Variants in WDR49 observed in about 807,000 individuals in gnomAD.
The protein encoded by WDR49 is cilia- and flagella-associated protein 337.
Under a neutral mutation model 119.5 loss-of-function variants are expected in WDR49, and 107 were observed. The observed-to-expected ratio is 0.90, with a 90% CI of 0.77 to 1.05. The LOEUF (loss-of-function observed/expected upper bound fraction) is 1.05, where lower values mean the gene tolerates loss of function less well. WDR49 is among the 50% of genes least tolerant of loss of function. The pLI, the probability that WDR49 is intolerant of heterozygous loss-of-function variation, is 0.00. For synonymous variants in WDR49, 425 were observed against 418.8 expected (o/e 1.01, Z -0.18); for missense variants, 1,240 against 1,220.5 (o/e 1.02, Z -0.24).
intron 7 of WDR49, among the ~76,000 whole-genome samples, chr3:167,592,540 T>C (rs1028378148): frequency 2.6e-5 from 4 of 151,804 alleles, no homozygotes; most frequent in Admixed American, 2.6e-4. Flanking sequence ...GTTCAAGAGA[T>C]TCTCCTGCCT....
At chr3:167,620,193 T>C (rs544979107) in intron 5 of WDR49, among the ~76,000 whole-genome samples, 21 of 152,162 alleles carry the variant, frequency 1.4e-4, no homozygotes, top group Non-Finnish European at 2.8e-4. Context: ...TTAAGATTTC[T>C]TGAGCACATT....
chr3:167,526,050 G>A (rs1488062604), intron 15 of WDR49, among the ~76,000 whole-genome samples: 2 of 151,822 alleles, frequency 1.3e-5, no homozygotes, highest in Non-Finnish European at 2.9e-5. Context: ...AGTAGTGCAA[G>A]CAGAAGGAAC....
intron 7 of WDR49, among the ~76,000 whole-genome samples, chr3:167,592,746 T>C (rs1715207872): frequency 1.3e-5 from 2 of 152,136 alleles, no homozygotes; most frequent in African/African-American, 4.8e-5. Context: ...TGATTTCTTA[T>C]TGCTAATTAA....
chr3:167,557,758 A>AG (rs1407150677), intron 9 of WDR49, among the ~76,000 whole-genome samples: 1 of 152,122 alleles, frequency 6.6e-6, no homozygotes, highest in African/African-American at 2.4e-5. Flanking sequence ...GTCTCAAAAA[A>AG]AAAAAAAAAA....
At chr3:167,529,515 G>A (rs1235778795) in intron 13 of WDR49, among the ~76,000 whole-genome samples, 1 of 152,014 alleles carries the variant, frequency 6.6e-6, no homozygotes, top group Non-Finnish European at 1.5e-5. Context: ...TGTTTTGGGG[G>A]TATTTAAAAG....
chr3:167,593,842 G>A (rs554939653), intron 7 of WDR49, among the ~76,000 whole-genome samples: 34 of 152,206 alleles, frequency 2.2e-4, no homozygotes, highest in African/African-American at 8.2e-4. Context: ...GGATCATGGG[G>A]GAGGTTCCCC....
intron 10 of WDR49, among the ~76,000 whole-genome samples, chr3:167,547,501 G>C (rs189674436): frequency 1.3e-3 from 202 of 151,722 alleles, no homozygotes; most frequent in African/African-American, 4.7e-3. Context: ...TTCTCATTAA[G>C]ATCATGACCA....
intron 2 of WDR49, among the ~76,000 whole-genome samples, chr3:167,642,105 A>G (rs965108488): frequency 4.6e-5 from 7 of 152,006 alleles, no homozygotes; most frequent in African/African-American, 1.7e-4. Context: ...TTTTGACTTG[A>G]GAACTATAAA....
chr3:167,629,724 G>A (rs1040547134), intron 2 of WDR49, among the ~76,000 whole-genome samples: 4 of 152,054 alleles, frequency 2.6e-5, no homozygotes, highest in Non-Finnish European at 4.4e-5. Flanking sequence ...AAATTAACAG[G>A]AGTTTGGGAA....
At chr3:167,499,560 T>A (rs1751480274) in intron 18 of WDR49, among the ~76,000 whole-genome samples, 1 of 152,214 alleles carries the variant, frequency 6.6e-6, no homozygotes, top group South Asian at 2.1e-4. Context: ...TTCTACAGAA[T>A]TATTCCTCAA....
At chr3:167,555,380 T>G (rs1397001659) in intron 9 of WDR49, among the ~76,000 whole-genome samples, 2 of 152,216 alleles carry the variant, frequency 1.3e-5, no homozygotes, top group Non-Finnish European at 1.5e-5. Flanking sequence ...TTCATCTGTA[T>G]CCTTTGTAAT....
chr3:167,484,295 G>T (rs1750839818), intron 18 of WDR49, among the ~76,000 whole-genome samples: 2 of 152,100 alleles, frequency 1.3e-5, no homozygotes, highest in South Asian at 4.1e-4. Flanking sequence ...GGGGCCTGTT[G>T]TGGGGTGAGG....
chr3:167,481,065 GC>G (rs1176765750), intron 18 of WDR49, among the ~76,000 whole-genome samples: 1 of 76,126 alleles, frequency 1.3e-5, no homozygotes, highest in Non-Finnish European at 2.4e-5. Flanking sequence ...CATATTTCAA[GC>G]AAAAAAAAAA....
At chr3:167,495,883 GAAAAA>G in intron 18 of WDR49, among the ~76,000 whole-genome samples, 37 of 71,220 alleles carry the variant, frequency 5.2e-4, no homozygotes, top group Middle Eastern at 0.014. Flanking sequence ...TTAAAAATTT[GAAAAA>G]AAAAAAAAAA....
At position 167,576,040 on chromosome 3, in the gene WDR49, G is replaced by C; in HGVS notation, c.1387C>G (p.Arg463Gly). ...TGGTTATTAAACGAGATGAAAAGTC[G>C]TCCATGGGCTTCATCAAAGTGGAAG... ...CLFHFDEAHG[R>G]LFISFNNQLA... The change falls in exon 8 of 19, where the codon CGA becomes GGA. Residue 463 changes from arginine to glycine, a missense_variant. Transcript: ENST00000682715. 6.2e-7 allele frequency: 1 copy of C among 1,614,090 alleles called. No individual in the cohort carries two copies. Among genetic ancestry groups the C allele is most frequent in the Non-Finnish European group, 8.5e-7 (1 of 1,180,004 alleles).
At chr3:167,578,434 G>A (rs1353856522) in intron 7 of WDR49, among the ~76,000 whole-genome samples, 1 of 151,766 alleles carries the variant, frequency 6.6e-6, no homozygotes, top group African/African-American at 2.4e-5. Flanking sequence ...TAATATAATT[G>A]TGCACACATG....
At chr3:167,494,487 A>G (rs1036230452) in intron 18 of WDR49, among the ~76,000 whole-genome samples, 1 of 152,054 alleles carries the variant, frequency 6.6e-6, no homozygotes, top group Non-Finnish European at 1.5e-5. Context: ...AAAAAAACAG[A>G]TAAATTACAA....
At chr3:167,584,591 G>A (rs968077844) in intron 7 of WDR49, among the ~76,000 whole-genome samples, 12 of 152,172 alleles carry the variant, frequency 7.9e-5, no homozygotes, top group African/African-American at 2.9e-4. Flanking sequence ...GAAAAGACAA[G>A]TAAATTAATG....
intron 5 of WDR49, 138 bp downstream of exon 5, chr3:167,620,291 G>T: frequency 1.3e-6 from 1 of 752,472 alleles, no homozygotes; most frequent in Non-Finnish European, 1.9e-6. Flanking sequence ...AGGGATAGCA[G>T]AGTCCAGGCC....
Sources: allele counts gnomAD v4.1 joint callset (sites outside exome capture counted in the v4.1 genomes callset), GRCh38; gene constraint gnomAD v4.1.1; transcripts MANE v1.5; gene names NCBI Gene and HGNC (gene_info 2026-07-23, HGNC 2026-07-21).